Variants in CACNB4 observed in about 807,000 individuals in gnomAD.
CACNB4 encodes the protein calcium voltage-gated channel auxiliary subunit beta 4.
A neutral mutation model predicts 71.2 loss-of-function variants in CACNB4; 32 were observed. The observed-to-expected ratio is 0.45, with a 90% CI of 0.34 to 0.60. The LOEUF (loss-of-function observed/expected upper bound fraction) is 0.60. Among genes scored for constraint, CACNB4 ranks in the 20% least tolerant of loss-of-function variants. The pLI is 0.01. For missense variants in CACNB4, 464 were observed against 647.9 expected (o/e 0.72, Z 3.08); for synonymous variants, 231 against 236.9 (o/e 0.97, Z 0.23).
At chr2:151,962,049 G>A (rs1243312120) in intron 2 of CACNB4, among the ~76,000 whole-genome samples, 1 of 152,208 alleles carries the variant, frequency 6.6e-6, no homozygotes, top group Non-Finnish European at 1.5e-5. Context: ...TGGCTAACCG[G>A]TAAGCTCTGC....
intron 3 of CACNB4, among the ~76,000 whole-genome samples, chr2:151,882,130 C>T (rs1184915588): frequency 5.1e-5 from 5 of 98,948 alleles, no homozygotes; most frequent in Admixed American, 1.1e-4. Context: ...CTGCCCGCCT[C>T]GGCCTCCCAA....
intron 2 of CACNB4, chr2:151,971,310 A>G (rs1190983264): frequency 1.7e-6 from 1 of 591,254 alleles, no homozygotes; most frequent in Non-Finnish European, 3.0e-6. Flanking sequence ...GAAAATAATC[A>G]CTTATCACAA....
At chr2:151,949,067 C>G (rs2099866266) in intron 2 of CACNB4, among the ~76,000 whole-genome samples, 1 of 151,448 alleles carries the variant, frequency 6.6e-6, no homozygotes, top group Non-Finnish European at 1.5e-5. Context: ...TTCTTCTTTC[C>G]TCTTCTTCTC....
chr2:152,084,624 C>A (rs988392256), intron 2 of CACNB4, among the ~76,000 whole-genome samples: 2 of 152,002 alleles, frequency 1.3e-5, no homozygotes, highest in East Asian at 1.9e-4. Flanking sequence ...GTTTTTTGTT[C>A]TTTGAGGCAG....
At chr2:151,904,246 C>T (rs78215501) in intron 2 of CACNB4, among the ~76,000 whole-genome samples, 2,429 of 152,282 alleles carry the variant, frequency 0.016, 52 homozygotes, top group African/African-American at 0.056. Flanking sequence ...ATTAATTTTA[C>T]TAAAGATTCA....
chr2:151,855,392 TA>T lies in CACNB4; in HGVS notation c.869-18del. ...GTACTTCCGCTTAAAGGAAAAATAA[TA>T]AATAGATCCCGGTTATTGTTATGAA... On this transcript the variant is annotated intron_variant, in intron 10 of 13. Transcript: ENST00000539935. The T allele has an allele frequency of 3.2e-6, 5 of 1,558,370 alleles. No individual in the cohort carries two copies. Among genetic ancestry groups the T allele is most frequent in the Non-Finnish European group, 4.4e-6 (5 of 1,136,746 alleles).
intron 2 of CACNB4, among the ~76,000 whole-genome samples, chr2:151,997,105 C>T (rs1240717935): frequency 6.6e-6 from 1 of 152,172 alleles, no homozygotes; most frequent in Non-Finnish European, 1.5e-5. Flanking sequence ...GATACATCTG[C>T]ATTCAAATCC....
intron 2 of CACNB4, chr2:151,972,589 A>C (rs2099872866): frequency 6.6e-6 from 1 of 152,272 alleles, no homozygotes; most frequent in Admixed American, 6.5e-5. Flanking sequence ...ACACACAGAC[A>C]GGAAGGAAAA....
chr2:151,886,850 G>A (rs2099849479), intron 2 of CACNB4, among the ~76,000 whole-genome samples: 1 of 151,802 alleles, frequency 6.6e-6, no homozygotes. Context: ...GTTTCAACTA[G>A]TTGAACATAT....
intron 2 of CACNB4, among the ~76,000 whole-genome samples, chr2:152,097,495 T>C (rs1688337917): frequency 6.6e-6 from 1 of 152,118 alleles, no homozygotes; most frequent in Non-Finnish European, 1.5e-5. Context: ...AAGATCAAGG[T>C]GACTCATTGC....
intron 2 of CACNB4, among the ~76,000 whole-genome samples, chr2:151,994,478 T>A (rs1681926081): frequency 6.6e-6 from 1 of 151,504 alleles, no homozygotes; most frequent in South Asian, 2.1e-4. Flanking sequence ...AGTGCTGAGA[T>A]TACAGGCGTG....
intron 2 of CACNB4, among the ~76,000 whole-genome samples, chr2:152,095,780 T>C (rs983480459): frequency 3.9e-5 from 6 of 151,942 alleles, no homozygotes; most frequent in African/African-American, 1.5e-4. Flanking sequence ...GCCTCCCGAG[T>C]AGCTGGGATT....
At chr2:151,882,383 T>C (rs1388722972) in intron 3 of CACNB4, among the ~76,000 whole-genome samples, 3 of 151,890 alleles carry the variant, frequency 2.0e-5, no homozygotes, top group Non-Finnish European at 2.9e-5. Flanking sequence ...ACAATAAAAA[T>C]AGAAAAGGGA....
chr2:152,069,606 T>C (rs2105365445), intron 2 of CACNB4, among the ~76,000 whole-genome samples: 1 of 144,328 alleles, frequency 6.9e-6, no homozygotes, highest in East Asian at 2.1e-4. Flanking sequence ...GCAAAGTAAA[T>C]AAATATAGAG....
At chr2:151,984,532 C>T (rs999938241) in intron 2 of CACNB4, among the ~76,000 whole-genome samples, 14 of 152,094 alleles carry the variant, frequency 9.2e-5, no homozygotes, top group African/African-American at 3.1e-4. Flanking sequence ...AATCATTATC[C>T]TATCCCCAAC....
intron 13 of CACNB4, among the ~76,000 whole-genome samples, chr2:151,839,880 CATAAA>C (rs1238527442): frequency 1.3e-5 from 2 of 152,082 alleles, no homozygotes; most frequent in African/African-American, 4.8e-5. Flanking sequence ...TTGTGCTGTT[CATAAA>C]ATAAAGTGTT....
chr2:151,900,335 G>A (rs1385571045), intron 2 of CACNB4, among the ~76,000 whole-genome samples: 4 of 152,222 alleles, frequency 2.6e-5, no homozygotes, highest in African/African-American at 9.6e-5. Context: ...AAAAGGCAGA[G>A]GTCAGTCTGA....
At chr2:151,974,759 C>A (rs1404004422) in intron 2 of CACNB4, among the ~76,000 whole-genome samples, 1 of 150,138 alleles carries the variant, frequency 6.7e-6, no homozygotes, top group Non-Finnish European at 1.5e-5. Flanking sequence ...GGACAGGTCC[C>A]ACATTGCAGC....
intron 2 of CACNB4, among the ~76,000 whole-genome samples, chr2:152,062,378 G>C (rs1686068445): frequency 6.6e-6 from 1 of 152,260 alleles, no homozygotes; most frequent in East Asian, 1.9e-4. Flanking sequence ...ACACTTCACT[G>C]ACCACTCTTC....
Sources: gnomAD v4.1 joint callset for allele counts (sites outside exome capture counted in the v4.1 genomes callset) on GRCh38, gnomAD v4.1.1 for gene constraint, MANE v1.5 for transcripts, NCBI Gene and HGNC (gene_info 2026-07-23, HGNC 2026-07-21) for gene names.